Variants in ESR1 observed in about 807,000 individuals in gnomAD.
The protein encoded by ESR1 is estrogen receptor 1, also known as estrogen receptor.
ESR1 carries 12 observed loss-of-function variants against 52.7 expected under a neutral mutation model. The observed-to-expected ratio is 0.23, with a 90% CI of 0.15 to 0.37. The LOEUF (loss-of-function observed/expected upper bound fraction) is 0.37. Ranked by LOEUF, ESR1 falls within the 10% of genes least tolerant of loss-of-function variation. ESR1 has a pLI of 1.00. For synonymous variants in ESR1, 305 were observed against 316.8 expected (o/e 0.96, Z 0.39); for missense variants, 584 against 779.7 (o/e 0.75, Z 2.99).
intron 3 of ESR1, among the ~76,000 whole-genome samples, chr6:151,905,004 G>T (rs1231864157): frequency 6.6e-6 from 1 of 152,074 alleles, no homozygotes; most frequent in Non-Finnish European, 1.5e-5. Context: ...TTAGAGAGTT[G>T]TCTGATACAA....
chr6:151,662,404 A>C (rs1458898745), intron 1 of ESR1, among the ~76,000 whole-genome samples: 2 of 151,872 alleles, frequency 1.3e-5, no homozygotes, highest in Admixed American at 6.6e-5. Flanking sequence ...CCAATGGGGC[A>C]GGTACCATTA....
chr6:151,886,175 T>A (rs1793815808), intron 3 of ESR1, among the ~76,000 whole-genome samples: 2 of 152,164 alleles, frequency 1.3e-5, no homozygotes, highest in Admixed American at 6.5e-5. Flanking sequence ...TGATCTCATA[T>A]GCTGAATATA....
chr6:151,883,822 T>A (rs1020118088), intron 3 of ESR1, among the ~76,000 whole-genome samples: 7 of 152,154 alleles, frequency 4.6e-5, no homozygotes, highest in Admixed American at 2.6e-4. Flanking sequence ...GGCTGCCTTC[T>A]CTCTGTGTCC....
intron 1 of ESR1, among the ~76,000 whole-genome samples, chr6:151,669,189 A>AGAGAGAGAGAGAGAGAGAG (rs774737323): frequency 5.7e-5 from 5 of 87,114 alleles, no homozygotes; most frequent in African/African-American, 1.5e-4. Context: ...AGAGAGAGAG[A>AGAGAGAGAGAGAGAGAGAG]TGGGAATCCA....
chr6:151,979,551 A>G (rs1172538099), intron 4 of ESR1, among the ~76,000 whole-genome samples: 1 of 152,166 alleles, frequency 6.6e-6, no homozygotes, highest in Non-Finnish European at 1.5e-5. Context: ...AAGAAATACA[A>G]TCATATAAAA....
intron 2 of ESR1, among the ~76,000 whole-genome samples, chr6:151,753,059 A>C (rs527331898): frequency 6.6e-6 from 1 of 152,208 alleles, no homozygotes; most frequent in Non-Finnish European, 1.5e-5. Flanking sequence ...CGAATAAATC[A>C]TAAGTATTAA....
intron 4 of ESR1, among the ~76,000 whole-genome samples, chr6:151,956,833 AATATAAATAAATATAT>A (rs1298223309): frequency 1.7e-4 from 4 of 23,638 alleles, no homozygotes; most frequent in African/African-American, 8.4e-4. Flanking sequence ...AATATATATA[AATATAAATAAATATAT>A]ATATATATAT....
intron 2 of ESR1, 54 bp downstream of exon 2, chr6:151,842,841 G>T: frequency 6.7e-7 from 1 of 1,502,352 alleles, no homozygotes; most frequent in East Asian, 2.3e-5. Context: ...CAGATCCTAA[G>T]AGCCAAAGCG....
At chr6:151,753,425 C>T (rs545323503) in intron 2 of ESR1, among the ~76,000 whole-genome samples, 1 of 151,150 alleles carries the variant, frequency 6.6e-6, no homozygotes, top group African/African-American at 2.4e-5. Context: ...TCAAGCGATT[C>T]TCCTGCCTCA....
intron 3 of ESR1, among the ~76,000 whole-genome samples, chr6:151,883,715 G>A (rs1035198718): frequency 6.6e-6 from 1 of 152,106 alleles, no homozygotes; most frequent in Non-Finnish European, 1.5e-5. Context: ...CTTAAGTAAC[G>A]GAAGTCAATT....
chr6:152,038,331 C>G (rs2128887996), intron 5 of ESR1, among the ~76,000 whole-genome samples: 1 of 152,310 alleles, frequency 6.6e-6, no homozygotes, highest in South Asian at 2.1e-4. Flanking sequence ...TTCCAGTTCA[C>G]TGACACAAAT....
At chr6:151,728,715 C>T (rs180749397) in intron 2 of ESR1, among the ~76,000 whole-genome samples, 1 of 152,148 alleles carries the variant, frequency 6.6e-6, no homozygotes, top group African/African-American at 2.4e-5. Flanking sequence ...CTCTTTCCTA[C>T]CCTCCACCCC....
chr6:151,657,851 A>G (rs1255756331), intron 1 of ESR1, among the ~76,000 whole-genome samples: 3 of 152,100 alleles, frequency 2.0e-5, no homozygotes, highest in African/African-American at 7.2e-5. Context: ...TGGCATTTTC[A>G]TATCATCCAA....
chr6:151,676,238 C>T (rs1318543565), intron 1 of ESR1, among the ~76,000 whole-genome samples: 1 of 152,114 alleles, frequency 6.6e-6, no homozygotes, highest in South Asian at 2.1e-4. Flanking sequence ...CTTCCCAACT[C>T]GGTGAGCCAG....
intron 1 of ESR1, among the ~76,000 whole-genome samples, chr6:151,681,917 C>T (rs769198112): frequency 8.5e-5 from 13 of 152,202 alleles, no homozygotes; most frequent in Non-Finnish European, 1.8e-4. Context: ...GTGCTGGGGT[C>T]GCTTGCAGCT....
chr6:152,016,231 CCT>C (rs1016240907), intron 5 of ESR1, among the ~76,000 whole-genome samples: 4 of 152,086 alleles, frequency 2.6e-5, no homozygotes, highest in African/African-American at 7.2e-5. Flanking sequence ...GTCAATTAAA[CCT>C]CTTTCTTTTA....
At chr6:151,864,536 C>G (rs976731713) in intron 2 of ESR1, among the ~76,000 whole-genome samples, 2 of 152,104 alleles carry the variant, frequency 1.3e-5, no homozygotes, top group African/African-American at 4.8e-5. Context: ...GTGGCGATTC[C>G]TCAGGGATCT....
intron 2 of ESR1, among the ~76,000 whole-genome samples, chr6:151,774,224 A>C (rs1278908479): frequency 6.6e-6 from 1 of 152,262 alleles, no homozygotes; most frequent in African/African-American, 2.4e-5. Flanking sequence ...AATGCCACTC[A>C]ATCTCACTTG....
chr6:152,079,508 G>A (rs2129005152), intron 6 of ESR1, among the ~76,000 whole-genome samples: 1 of 151,470 alleles, frequency 6.6e-6, no homozygotes, highest in African/African-American at 2.5e-5. Context: ...AAGACCAAAG[G>A]TAGATAAAAC....
Sources: allele counts gnomAD v4.1 joint callset (sites outside exome capture counted in the v4.1 genomes callset), GRCh38; gene constraint gnomAD v4.1.1; transcripts MANE v1.5; gene names NCBI Gene and HGNC (gene_info 2026-07-23, HGNC 2026-07-21).